The following RASA1 variants were observed in gnomAD, a reference collection of about 807,000 sequenced individuals.
RASA1 encodes RAS p21 protein activator 1.
Under a neutral mutation model 132.2 loss-of-function variants are expected in RASA1, and 25 were observed. That is an observed-to-expected ratio of 0.19 (90% confidence interval 0.14 to 0.26). The LOEUF is 0.26. RASA1 is among the 10% of genes least tolerant of loss of function. The pLI is 1.00. For missense variants in RASA1, 964 were observed against 1,299.2 expected (o/e 0.74, Z 3.97); for synonymous variants, 477 against 449.9 (o/e 1.06, Z -0.76).
intron 1 of RASA1, among the ~76,000 whole-genome samples, chr5:87,328,866 G>A (rs568067527): frequency 6.6e-6 from 1 of 152,270 alleles, no homozygotes; most frequent in South Asian, 2.1e-4. Flanking sequence ...TCTGTAAGGT[G>A]TCTGAATCAA....
intron 24 of RASA1, among the ~76,000 whole-genome samples, chr5:87,390,298 G>C (rs556746016): frequency 6.6e-6 from 1 of 152,290 alleles, no homozygotes; most frequent in East Asian, 1.9e-4. Flanking sequence ...TCAGGAGATA[G>C]TGAATGCTGT....
chr5:87,290,295 T>G (rs915900917), intron 1 of RASA1, among the ~76,000 whole-genome samples: 1 of 152,264 alleles, frequency 6.6e-6, no homozygotes, highest in Non-Finnish European at 1.5e-5. Context: ...TGAATACTTC[T>G]AGATAGGCAC....
At chr5:87,351,882 T>C (rs1043987166) in intron 8 of RASA1, among the ~76,000 whole-genome samples, 1 of 151,782 alleles carries the variant, frequency 6.6e-6, no homozygotes, top group Non-Finnish European at 1.5e-5. Flanking sequence ...TATTGTAACA[T>C]TGAGGTGCTA....
chr5:87,349,066 TGAAA>T (rs753359402), intron 7 of RASA1, 144 bp from the exon 8 acceptor site: 34 of 986,118 alleles, frequency 3.4e-5, no homozygotes, highest in East Asian at 3.2e-4. Context: ...CCAGAAAATT[TGAAA>T]GAAATTATCT....
chr5:87,326,004 C>CT (rs1406380809), intron 1 of RASA1, among the ~76,000 whole-genome samples: 1 of 152,092 alleles, frequency 6.6e-6, no homozygotes, highest in Non-Finnish European at 1.5e-5. Flanking sequence ...CAGGGTCTCT[C>CT]TCTGTTGCCC....
chr5:87,308,774 A>G (rs1399455834), intron 1 of RASA1, among the ~76,000 whole-genome samples: 2 of 152,240 alleles, frequency 1.3e-5, no homozygotes, highest in African/African-American at 4.8e-5. Flanking sequence ...TTAGATACAC[A>G]AATACCACTG....
Position 87,284,104 on chromosome 5 carries a change from C to T in RASA1, c.539+15114C>T, listed in dbSNP as rs373094202. On this transcript the variant is annotated intron_variant, in intron 1 of 24. Transcript: ENST00000274376. ...TGCAGAAATATGAAACAACATATAA[C>T]GAAACCCAATTTTTTTCTTATCAGT... Among the ~76,000 whole-genome samples, 247 of 152,142 alleles carry T rather than the reference C, an allele frequency of 1.6e-3. 5 individuals are homozygous for T. The highest frequency in any genetic ancestry group is 3.4e-3 in the Middle Eastern group (1 of 294).
chr5:87,268,250 T>G lies in RASA1; in HGVS notation c.-202T>G, dbSNP rs1753650565. ...CGTTGGGTTTTTTGCCCACTTGGCT[T>G]CCCGTAACCCAGGCAGCTGGGGAGC... is the stretch of plus-strand genomic sequence containing the variant. On this transcript the variant is annotated 5_prime_UTR_variant, in exon 1 of 25. Transcript: ENST00000274376. The G allele has an allele frequency of 1.1e-5, 8 of 760,876 alleles. No individual in the cohort carries two copies. The highest frequency in any genetic ancestry group is 1.6e-5 in the Non-Finnish European group (8 of 494,800). The allele number at this position is 760,876 out of a possible 1,614,324, so 47.1% of individuals were successfully genotyped here.
chr5:87,331,456 T>C lies in RASA1; in HGVS notation c.648T>C (p.Phe216=), dbSNP rs1394964349. ...IRESDRRPGS[F]VLSFLSQMNV... is the part of the protein sequence containing the mutation. ...AGAGTGATCGGAGGCCAGGGTCCTT[T>C]GTACTTTCATTTCTTAGCCAGATGA... The change falls in exon 2 of 25, where the codon TTT becomes TTC. Residue 216 remains phenylalanine, a synonymous_variant. Transcript: ENST00000274376. 6.2e-7 allele frequency: 1 copy of C among 1,613,932 alleles called. No individual in the cohort carries two copies. The highest frequency in any genetic ancestry group is 1.1e-5 in the South Asian group (1 of 91,090).
At chr5:87,322,192 C>T (rs751793483) in intron 1 of RASA1, among the ~76,000 whole-genome samples, 1 of 151,978 alleles carries the variant, frequency 6.6e-6, no homozygotes, top group Non-Finnish European at 1.5e-5. Flanking sequence ...CTCCATGGAC[C>T]GGTACCTGTC....
At chr5:87,389,370 G>A (rs1329522444) in intron 23 of RASA1, 23 bp from the exon 24 acceptor site, 3 of 1,613,138 alleles carry the variant, frequency 1.9e-6, no homozygotes, top group Admixed American at 1.7e-5. Flanking sequence ...ATTTCTAAAT[G>A]CAATTTTACG....
Position 87,362,242 on chromosome 5 carries a change from G to T in RASA1, c.1333-309G>T, listed in dbSNP as rs77197677. Among the ~76,000 whole-genome samples the T allele has an allele frequency of 0.015, 2,210 of 152,258 alleles. 33 individuals are homozygous for T. The highest frequency in any genetic ancestry group is 0.041 in the African/African-American group (1,698 of 41,564). ...GGACAAGTTTATGTTTTTAAAACATGATTTGCTGTAAAATATAACTGACTG... is the reference window on the plus strand; with the variant it reads ...GGACAAGTTTATGTTTTTAAAACATTATTTGCTGTAAAATATAACTGACTG... On this transcript the variant is annotated intron_variant, in intron 9 of 24. Transcript: ENST00000274376.
At position 87,268,043 on chromosome 5, in the gene RASA1, G is replaced by A. The variant is rs552782352; in HGVS notation, c.-409G>A. ...GGCACCGGCGGTGGCTGCGGTGTGG[G>A]TGGCCGGAACTGGGGTGGTGAAGAA... On this transcript the variant is annotated 5_prime_UTR_variant, in exon 1 of 25. It adds an upstream start codon to the 5' untranslated region. Coordinates refer to ENST00000274376, the MANE Select transcript of RASA1 (RefSeq NM_002890.3). 4 of 407,904 alleles carry A rather than the reference G, an allele frequency of 9.8e-6. No homozygotes were observed. Among genetic ancestry groups the A allele is most frequent in the Middle Eastern group, 6.2e-4 (1 of 1,616 alleles). The allele number at this position is 407,904 out of a possible 1,614,324, so 25.3% of individuals were successfully genotyped here. A position where few individuals can be genotyped will look rare whatever the true frequency, so the allele number is the denominator to read the frequency against.
rs144113801 is a variant in RASA1 at position 87,386,235 on chromosome 5, T to C, written c.2848-591T>C. 2.7e-3 allele frequency among the ~76,000 whole-genome samples: 407 copies of C among 152,176 alleles called. 5 individuals are homozygous for C. The highest frequency in any genetic ancestry group is 8.5e-3 in the East Asian group (44 of 5,184). Reference sequence around the variant, plus strand: ...GAGGTCCTTATCTCATTGAGTTTCTTACTGATTTTAAAAGAGTGTGTTAAT... The same window carrying C: ...GAGGTCCTTATCTCATTGAGTTTCTCACTGATTTTAAAAGAGTGTGTTAAT... On this transcript the variant is annotated intron_variant, in intron 22 of 24. Coordinates refer to ENST00000274376, the MANE Select transcript of RASA1 (RefSeq NM_002890.3).
At chr5:87,366,178 T>G (rs1439194714) in intron 11 of RASA1, among the ~76,000 whole-genome samples, 1 of 152,198 alleles carries the variant, frequency 6.6e-6, no homozygotes, top group Non-Finnish European at 1.5e-5. Flanking sequence ...CTTGACAGTT[T>G]ATGGATTTAA....
chr5:87,331,131 G>T (rs1580278957), intron 1 of RASA1: 1 of 860,744 alleles, frequency 1.2e-6, no homozygotes, highest in East Asian at 2.6e-5. Flanking sequence ...AGATGACTAG[G>T]ACTGAGCTTT....
At chr5:87,270,637 G>T in intron 1 of RASA1, among the ~76,000 whole-genome samples, 1 of 139,456 alleles carries the variant, frequency 7.2e-6, no homozygotes, top group Admixed American at 7.3e-5. Context: ...GTAAGCCACG[G>T]TGCCCGGCCT....
intron 13 of RASA1, 130 bp from the exon 14 acceptor site, chr5:87,374,033 C>A (rs1761137758): frequency 1.3e-6 from 1 of 775,790 alleles, no homozygotes; most frequent in South Asian, 5.1e-5. Context: ...CCAAAGCTCA[C>A]ATTTTCTGAA....
At chr5:87,329,353 G>C (rs1429186575) in intron 1 of RASA1, among the ~76,000 whole-genome samples, 2 of 151,882 alleles carry the variant, frequency 1.3e-5, no homozygotes, top group Non-Finnish European at 2.9e-5. Flanking sequence ...GTGGTGGGAA[G>C]ATGGGTTGAG....
Sources: gnomAD v4.1 joint callset for allele counts (sites outside exome capture counted in the v4.1 genomes callset) on GRCh38, gnomAD v4.1.1 for gene constraint, MANE v1.5 for transcripts, NCBI Gene and HGNC (gene_info 2026-07-23, HGNC 2026-07-21) for gene names.